Variants in ELF1 observed in about 807,000 individuals in gnomAD.
The protein encoded by ELF1 is E74 like ETS transcription factor 1, also known as ETS-related transcription factor Elf-1.
ELF1 carries 24 observed loss-of-function variants against 59.9 expected under a neutral mutation model. That is an observed-to-expected ratio of 0.40 (90% confidence interval 0.29 to 0.56). The LOEUF (loss-of-function observed/expected upper bound fraction) is 0.56. Among genes scored for constraint, ELF1 ranks in the 20% least tolerant of loss-of-function variants. The pLI is 0.44. For missense variants in ELF1, 627 were observed against 742.2 expected (o/e 0.84, Z 1.80); for synonymous variants, 248 against 266.2 (o/e 0.93, Z 0.67).
chr13:41,036,090 G>C (rs936236598), intron 1 of ELF1, among the ~76,000 whole-genome samples: 3 of 151,548 alleles, frequency 2.0e-5, no homozygotes, highest in Non-Finnish European at 4.4e-5. Flanking sequence ...TGTTGTTGTT[G>C]TATTTTTAGT....
chr13:40,959,934 T>C (rs1018769589), intron 2 of ELF1, among the ~76,000 whole-genome samples: 8 of 152,184 alleles, frequency 5.3e-5, no homozygotes, highest in Non-Finnish European at 1.2e-4. Context: ...AAGATACTAC[T>C]TCCTTTATCA....
intron 2 of ELF1, among the ~76,000 whole-genome samples, chr13:40,978,376 TCAAAAAAAAAA>T (rs1873047008): frequency 7.2e-6 from 1 of 138,576 alleles, no homozygotes; most frequent in African/African-American, 2.8e-5. Context: ...AGACTCAGTC[TCAAAAAAAAAA>T]CAAAAAAGAA....
chr13:40,996,739 C>CA (rs1344649511), intron 1 of ELF1, among the ~76,000 whole-genome samples: 1 of 151,960 alleles, frequency 6.6e-6, no homozygotes. Flanking sequence ...ACTTTCCTCT[C>CA]AATTTTACTG....
intron 5 of ELF1, 114 bp from the exon 6 acceptor site, chr13:40,944,039 GGGTCACATATACA>G (rs1400820363): frequency 1.7e-5 from 15 of 908,276 alleles, no homozygotes; most frequent in Non-Finnish European, 2.6e-5. Flanking sequence ...TTTTATACAT[GGGTCACATATACA>G]GGTCTCTTAA....
intron 2 of ELF1, among the ~76,000 whole-genome samples, chr13:40,975,193 T>G (rs1872828338): frequency 6.6e-6 from 1 of 152,230 alleles, no homozygotes; most frequent in Admixed American, 6.5e-5. Flanking sequence ...TGGCGCTGAA[T>G]AAGTTACACA....
At chr13:41,012,777 C>T (rs1271499433) in intron 1 of ELF1, among the ~76,000 whole-genome samples, 7 of 151,592 alleles carry the variant, frequency 4.6e-5, no homozygotes, top group Non-Finnish European at 1.0e-4. Flanking sequence ...AGGCTGGTCT[C>T]GAATTTCTGG....
chr13:40,943,738 TC>T, intron 6 of ELF1, 103 bp downstream of exon 6: 1 of 861,454 alleles, frequency 1.2e-6, no homozygotes, highest in South Asian at 2.9e-5. Context: ...AGCAATAAGA[TC>T]CACTGCAGTA....
chr13:40,996,923 T>C (rs1376704813), intron 1 of ELF1, among the ~76,000 whole-genome samples: 1 of 152,126 alleles, frequency 6.6e-6, no homozygotes, highest in African/African-American at 2.4e-5. Context: ...AGCCCTGCCT[T>C]AATCTCACCA....
chr13:41,003,722 T>C (rs547439189), intron 1 of ELF1, among the ~76,000 whole-genome samples: 1 of 152,168 alleles, frequency 6.6e-6, no homozygotes, highest in Non-Finnish European at 1.5e-5. Flanking sequence ...TGGCTAGACA[T>C]TTTTTCCAGA....
chr13:41,046,305 G>A (rs1433480483), intron 1 of ELF1, among the ~76,000 whole-genome samples: 2 of 152,152 alleles, frequency 1.3e-5, no homozygotes, highest in Non-Finnish European at 2.9e-5. Context: ...ATATTGTTAT[G>A]TGTGAATTTG....
chr13:41,039,006 C>T (rs1288112147), intron 1 of ELF1, among the ~76,000 whole-genome samples: 1 of 76,574 alleles, frequency 1.3e-5, no homozygotes, highest in Non-Finnish European at 2.4e-5. Flanking sequence ...GAGACTTTGT[C>T]AAAAAAAAAA....
intron 1 of ELF1, among the ~76,000 whole-genome samples, chr13:41,050,561 A>G (rs1877044773): frequency 6.6e-6 from 1 of 152,170 alleles, no homozygotes; most frequent in South Asian, 2.1e-4. Flanking sequence ...TCTCTTTCAA[A>G]AAAAATTTTT....
intron 2 of ELF1, among the ~76,000 whole-genome samples, chr13:40,978,161 C>T (rs754310936): frequency 6.6e-6 from 1 of 151,850 alleles, no homozygotes; most frequent in Non-Finnish European, 1.5e-5. Context: ...AGGCAGATCC[C>T]GAGGTCAAGA....
intron 2 of ELF1, among the ~76,000 whole-genome samples, chr13:40,967,235 T>C (rs1872232676): frequency 6.6e-6 from 1 of 152,174 alleles, no homozygotes; most frequent in Non-Finnish European, 1.5e-5. Flanking sequence ...CAACACGATC[T>C]GACAGTACCT....
At chr13:40,987,188 G>A (rs1325468485) in intron 1 of ELF1, among the ~76,000 whole-genome samples, 7 of 149,500 alleles carry the variant, frequency 4.7e-5, no homozygotes, top group Non-Finnish European at 7.4e-5. Flanking sequence ...CACCCGCCTC[G>A]GCCTCCCAAA....
chr13:41,003,744 AG>A (rs1415279169), intron 1 of ELF1, among the ~76,000 whole-genome samples: 1 of 152,184 alleles, frequency 6.6e-6, no homozygotes, highest in Non-Finnish European at 1.5e-5. Flanking sequence ...TGAAGCCAAA[AG>A]TAAGAGATTT....
intron 2 of ELF1, among the ~76,000 whole-genome samples, chr13:40,980,906 G>A (rs898673165): frequency 2.0e-4 from 30 of 152,086 alleles, no homozygotes; most frequent in African/African-American, 7.0e-4. Context: ...ATCCTCCCTA[G>A]TCAAAGCTCA....
At chr13:40,981,910 G>A (rs1873294174) in intron 2 of ELF1, 73 bp downstream of exon 2, 4 of 1,494,830 alleles carry the variant, frequency 2.7e-6, no homozygotes, top group South Asian at 1.3e-5. Flanking sequence ...TCTTTTAAAG[G>A]AAATAATTTT....
At chr13:41,035,913 T>TC (rs1876361236) in intron 1 of ELF1, among the ~76,000 whole-genome samples, 3 of 150,880 alleles carry the variant, frequency 2.0e-5, no homozygotes, top group Admixed American at 6.6e-5. Context: ...TTCTTTTTTT[T>TC]TTTTGAGATG....
Sources: gnomAD v4.1 joint callset for allele counts (sites outside exome capture counted in the v4.1 genomes callset) on GRCh38, gnomAD v4.1.1 for gene constraint, MANE v1.5 for transcripts, NCBI Gene and HGNC (gene_info 2026-07-23, HGNC 2026-07-21) for gene names.